Variants in EIF3J observed in about 807,000 individuals in gnomAD.
EIF3J encodes eukaryotic translation initiation factor 3, subunit 1 (alpha, 35kD).
EIF3J carries 15 observed loss-of-function variants against 39.0 expected under a neutral mutation model. The observed-to-expected ratio is 0.38, with a 90% CI of 0.26 to 0.59. The LOEUF (loss-of-function observed/expected upper bound fraction) is 0.59. EIF3J is among the 20% of genes least tolerant of loss of function. EIF3J has a pLI of 0.60. For missense variants in EIF3J, 226 were observed against 308.6 expected, an observed-to-expected ratio of 0.73 and a Z score of 2.00; for synonymous variants, 98 against 112.9, an observed-to-expected ratio of 0.87 and a Z score of 0.84.
intron 2 of EIF3J, among the ~76,000 whole-genome samples, chr15:44,548,356 A>C (rs1281429349): frequency 6.6e-6 from 1 of 152,192 alleles, no homozygotes; most frequent in African/African-American, 2.4e-5. Flanking sequence ...CAGAGGTTGC[A>C]GTAAGCTGAG....
Position 44,537,157 on chromosome 15 carries a change from TA to T in EIF3J, c.-37del. ...CACCTCCGCCGTGCTAACTCCTCGC[TA>T]GCTCTCCCTCTCACACACGCTCACA... On this transcript the variant is annotated 5_prime_UTR_variant, in exon 1 of 8. Coordinates refer to ENST00000261868, the MANE Select transcript of EIF3J (RefSeq NM_003758.4). 1 of 1,613,046 alleles carries T rather than the reference TA, an allele frequency of 6.2e-7. No individual in the cohort carries two copies. Among genetic ancestry groups the T allele is most frequent in the South Asian group, 1.1e-5 (1 of 91,034 alleles).
chr15:44,546,449 A>G (rs916238326), intron 2 of EIF3J, among the ~76,000 whole-genome samples: 3 of 152,210 alleles, frequency 2.0e-5, no homozygotes, highest in Non-Finnish European at 2.9e-5. Context: ...AGGCTTGGTT[A>G]GTTTATATTC....
In EIF3J at chr15:44,554,573, T is replaced by TA. The variant is rs2082129418; in HGVS notation, c.318dup (p.Val107SerfsTer11). On this transcript the variant is annotated frameshift_variant, in exon 5 of 8. Transcript: ENST00000261868. LOFTEE classifies it high-confidence loss of function. ...TTTAGTTAGAAGAACCCGAAGAACCTAAAGTGCTAACACCAGAAGAACAAT... is the reference window on the plus strand; with the variant it reads ...TTTAGTTAGAAGAACCCGAAGAACCTAAAAGTGCTAACACCAGAAGAACAAT... 6.2e-7 allele frequency: 1 copy of TA among 1,610,544 alleles called. No individual in the cohort carries two copies. The highest frequency in any genetic ancestry group is 1.3e-5 in the African/African-American group (1 of 74,786).
intron 2 of EIF3J, among the ~76,000 whole-genome samples, chr15:44,546,756 A>G (rs1282728733): frequency 6.8e-6 from 1 of 146,204 alleles, no homozygotes; most frequent in African/African-American, 2.5e-5. Context: ...ATTGTGTTTG[A>G]TAATTGGTTT....
chr15:44,547,018 T>A (rs534069267), intron 2 of EIF3J, among the ~76,000 whole-genome samples: 1 of 152,116 alleles, frequency 6.6e-6, no homozygotes, highest in South Asian at 2.1e-4. Flanking sequence ...AAACGGGGTT[T>A]CATCATGTTG....
rs749155010 is a variant in EIF3J at position 44,537,386 on chromosome 15, G to T, written c.106G>T (p.Gly36Trp). Reference protein sequence around the residue: ...RKVGGGGTAGGDRWEGEDEDE... With the variant: ...RKVGGGGTAGWDRWEGEDEDE... Reference sequence around the variant, plus strand: ...GGTGGGGGGCGGCGGCACTGCCGGCGGGGACCGCTGGGAAGGCGAGGACGA... The same window carrying T: ...GGTGGGGGGCGGCGGCACTGCCGGCTGGGACCGCTGGGAAGGCGAGGACGA... Residue 36 changes from glycine to tryptophan, a missense_variant, in exon 2 of 8, where the codon GGG (glycine) becomes TGG (tryptophan). This residue lies in a region of EIF3J where 143 missense variants were observed against 156.0 expected (regional missense o/e 0.92). Coordinates refer to ENST00000261868, the MANE Select transcript of EIF3J (RefSeq NM_003758.4). The T allele has an allele frequency of 1.3e-6, 2 of 1,565,420 alleles. No homozygotes were observed. Among genetic ancestry groups the T allele is most frequent in the East Asian group, 2.4e-5 (1 of 42,532 alleles).
At chr15:44,553,760 T>C (rs2082120683) in intron 4 of EIF3J, among the ~76,000 whole-genome samples, 1 of 152,222 alleles carries the variant, frequency 6.6e-6, no homozygotes, top group Non-Finnish European at 1.5e-5. Flanking sequence ...TGGGCTTACA[T>C]ATTTGTGTGC....
chr15:44,557,290 C>G (rs1467622387), intron 5 of EIF3J, among the ~76,000 whole-genome samples, 199 bp from the exon 6 acceptor site: 2 of 151,954 alleles, frequency 1.3e-5, no homozygotes, highest in Non-Finnish European at 2.9e-5. Context: ...AAAGATGTAA[C>G]TTTTTTTCTG....
intron 3 of EIF3J, 65 bp downstream of exon 3, chr15:44,550,995 A>C: frequency 6.4e-7 from 1 of 1,554,482 alleles, no homozygotes; most frequent in Non-Finnish European, 8.7e-7. Context: ...ACTTGTATTA[A>C]GACAAATGAC....
intron 6 of EIF3J, 34 bp from the exon 7 acceptor site, chr15:44,560,215 T>C (rs1337250039): frequency 1.9e-6 from 3 of 1,573,092 alleles, no homozygotes; most frequent in African/African-American, 2.7e-5. Context: ...TGCTTAAAAA[T>C]TCAAGTTTAA....
chr15:44,539,632 C>T (rs1405190894), intron 2 of EIF3J, among the ~76,000 whole-genome samples: 1 of 151,556 alleles, frequency 6.6e-6, no homozygotes, highest in Non-Finnish European at 1.5e-5. Context: ...AATCTCCTGA[C>T]CTTGTGATCT....
chr15:44,555,404 C>A (rs1481392933), intron 5 of EIF3J, among the ~76,000 whole-genome samples: 1 of 152,196 alleles, frequency 6.6e-6, no homozygotes, highest in East Asian at 1.9e-4. Context: ...ACCCCTCCCC[C>A]ACTTTCATAC....
chr15:44,548,709 G>A (rs1178299600), intron 2 of EIF3J, among the ~76,000 whole-genome samples: 3 of 152,158 alleles, frequency 2.0e-5, no homozygotes, highest in African/African-American at 7.2e-5. Flanking sequence ...GGGCAAAAGA[G>A]CACAAAGGAT....
chr15:44,549,603 A>G (rs1159966265), intron 2 of EIF3J, among the ~76,000 whole-genome samples: 1 of 151,506 alleles, frequency 6.6e-6, no homozygotes, highest in African/African-American at 2.4e-5. Context: ...TCCTGTCTAT[A>G]CTAAAAATAC....
intron 2 of EIF3J, among the ~76,000 whole-genome samples, chr15:44,540,068 A>C (rs1294893002): frequency 6.7e-6 from 1 of 148,596 alleles, no homozygotes; most frequent in African/African-American, 2.5e-5. Flanking sequence ...CCTCCCGAGT[A>C]GCTGGGATTA....
intron 2 of EIF3J, 76 bp downstream of exon 2, chr15:44,537,503 G>C: frequency 7.3e-7 from 1 of 1,379,160 alleles, no homozygotes; most frequent in Non-Finnish European, 9.4e-7. Flanking sequence ...GCCCCGGGTC[G>C]CTGCCGGGGC....
At chr15:44,555,593 C>T (rs2082137745) in intron 5 of EIF3J, among the ~76,000 whole-genome samples, 1 of 152,140 alleles carries the variant, frequency 6.6e-6, no homozygotes, top group South Asian at 2.1e-4. Context: ...ATAGAGAGCT[C>T]TTGGCTGTTA....
intron 2 of EIF3J, among the ~76,000 whole-genome samples, chr15:44,544,680 G>GCGACACA: frequency 7.0e-6 from 1 of 142,134 alleles, no homozygotes; most frequent in Non-Finnish European, 1.5e-5. Context: ...CTCCAGCCTG[G>GCGACACA]GCAATAAGAG....
rs539445280 is a variant in EIF3J, at chr15:44,553,987, A to G, written c.295-566A>G. 2.6e-5 allele frequency among the ~76,000 whole-genome samples: 4 copies of G among 152,126 alleles called. No homozygotes were observed. In the South Asian group the frequency reaches 8.3e-4, roughly 32 times the overall value. On this transcript the variant is annotated intron_variant, in intron 4 of 7. Coordinates refer to ENST00000261868, the MANE Select transcript of EIF3J (RefSeq NM_003758.4). Reference sequence around the variant, plus strand: ...AGAAGTAACCCCAGTCTTCCTGGGTACAAATCTGTCACGTTACCAGCTGTT... The same window carrying G: ...AGAAGTAACCCCAGTCTTCCTGGGTGCAAATCTGTCACGTTACCAGCTGTT...
Sources: allele counts gnomAD v4.1 joint callset (sites outside exome capture counted in the v4.1 genomes callset), GRCh38; gene constraint gnomAD v4.1.1; regional missense constraint gnomAD v4.1.1; transcripts MANE v1.5; gene names NCBI Gene and HGNC (gene_info 2026-07-23, HGNC 2026-07-21).